The following CDCA2 variants were observed in gnomAD, a reference collection of about 807,000 sequenced individuals.
CDCA2 encodes cell division cycle associated 2.
CDCA2 carries 44 observed loss-of-function variants against 67.0 expected under a neutral mutation model. The ratio of observed to expected loss-of-function variants is 0.66; its 90% CI spans 0.52 to 0.84. The LOEUF (loss-of-function observed/expected upper bound fraction) is 0.84, where lower values mean the gene tolerates loss of function less well. CDCA2 is among the 40% of genes least tolerant of loss of function. The probability of loss-of-function intolerance (pLI) is 0.00; values close to 1 mark genes in which losing one functional copy is unlikely to be tolerated. For missense variants in CDCA2, 1,253 were observed against 1,203.2 expected (o/e 1.04, Z -0.61); for synonymous variants, 447 against 418.7 (o/e 1.07, Z -0.82).
At position 25,506,629 on chromosome 8, in the gene CDCA2, G is replaced by A; in HGVS notation, c.1963G>A (p.Asp655Asn). 6.2e-7 allele frequency: 1 copy of A among 1,613,432 alleles called. No individual in the cohort carries two copies. The highest frequency in any genetic ancestry group is 8.5e-7 in the Non-Finnish European group (1 of 1,179,876). The change falls in exon 15 of 15, where the codon GAT becomes AAT. Residue 655 changes from aspartate (D) to asparagine (N), a missense_variant. Transcript: ENST00000330560. ...LHMHQGYDKY[D>N]VSEFCSYIKS... ...TATGCATCAAGGCTATGATAAATAT[G>A]ATGTCTCTGAATTCTGCTCTTATAT...
chr8:25,468,489 C>T (rs1231952928), intron 6 of CDCA2, 76 bp downstream of exon 6: 15 of 1,182,276 alleles, frequency 1.3e-5, no homozygotes, highest in East Asian at 2.4e-5. Context: ...CTGTCAGTGC[C>T]GTTCTTCAAT....
chr8:25,472,914 A>G (rs937835600), intron 7 of CDCA2, among the ~76,000 whole-genome samples: 2 of 152,180 alleles, frequency 1.3e-5, no homozygotes, highest in Non-Finnish European at 2.9e-5. Flanking sequence ...ATACACTAAT[A>G]TTGACTATAG....
intron 4 of CDCA2, among the ~76,000 whole-genome samples, chr8:25,463,351 T>C (rs532512943): frequency 6.6e-6 from 1 of 152,314 alleles, no homozygotes; most frequent in Non-Finnish European, 1.5e-5. Context: ...GGTGGTCTCA[T>C]AATAATGGAG....
intron 7 of CDCA2, among the ~76,000 whole-genome samples, chr8:25,476,702 C>T (rs576192956): frequency 6.6e-6 from 1 of 151,998 alleles, no homozygotes; most frequent in Admixed American, 6.6e-5. Flanking sequence ...TACAGGTGCC[C>T]GCCACCACAC....
chr8:25,465,740 G>A (rs1235573492), intron 4 of CDCA2, among the ~76,000 whole-genome samples: 1 of 152,184 alleles, frequency 6.6e-6, no homozygotes, highest in Non-Finnish European at 1.5e-5. Flanking sequence ...TGGCCCCTGG[G>A]CTGGAGGGCA....
At chr8:25,490,717 A>T (rs1290120999) in intron 13 of CDCA2, among the ~76,000 whole-genome samples, 2 of 152,196 alleles carry the variant, frequency 1.3e-5, no homozygotes, top group African/African-American at 4.8e-5. Context: ...AGATGTTGTC[A>T]TCTAGATTAA....
rs1162390861 is a variant in CDCA2 at position 25,460,432 on chromosome 8, A to C, written c.110A>C (p.Lys37Thr). The C allele has an allele frequency of 6.2e-7, 1 of 1,614,078 alleles. No homozygotes were observed. The highest frequency in any genetic ancestry group is 8.5e-7 in the Non-Finnish European group (1 of 1,180,044). ...ACTGGGAAGATTGTGACTCCTCAGA[A>C]GCATGCCGAATTACCTCCTAATCCT... ...LGTGKIVTPQ[K>T]HAELPPNPCT... Residue 37 changes from lysine (K) to threonine (T), a missense_variant, in exon 3 of 15, where the codon AAG becomes ACG. By Grantham distance (78) the Lys-to-Thr change is moderately conservative. Transcript: ENST00000330560.
rs368357943 is a variant in CDCA2 at position 25,506,536 on chromosome 8, G to A, written c.1870G>A (p.Glu624Lys). 52 of 1,578,058 alleles carry A rather than the reference G, an allele frequency of 3.3e-5. No homozygotes were observed. Among genetic ancestry groups the A allele is most frequent in the Non-Finnish European group, 4.2e-5 (49 of 1,169,190 alleles). Residue 624 changes from glutamate (E) to lysine (K), a missense_variant, in exon 15 of 15, where the codon GAA becomes AAA. By Grantham distance (56) the Glu-to-Lys change is moderately conservative. Coordinates refer to ENST00000330560, the MANE Select transcript of CDCA2 (RefSeq NM_152562.4). ...TTATTTCAGTTCAAATGGCAAACTG[G>A]AAGAAGTGAAGACTCCTAAAAATCC... ...SGYFSSNGKL[E>K]EVKTPKNPVK... is the part of the protein sequence containing the mutation.
At position 25,466,312 on chromosome 8, in the gene CDCA2, G is replaced by A. The variant is rs754533345; in HGVS notation, c.525G>A (p.Glu175=). 2 of 1,602,388 alleles carry A rather than the reference G, an allele frequency of 1.2e-6. No homozygotes were observed. Among genetic ancestry groups the A allele is most frequent in the African/African-American group, 1.3e-5 (1 of 74,160 alleles). The stretch of plus-strand genomic sequence containing the variant: ...TCTCAGAGGCAGGAAAAGAGTCCGA[G>A]ATGACAGACTTGAGTGAGTAGAAAT... ...LEFSEAGKES[E]MTDLTRKEGL... is the part of the protein sequence containing the mutation. The change falls in exon 5 of 15, where the codon GAG becomes GAA. Residue 175 remains glutamate (E), a synonymous_variant. Transcript: ENST00000330560.
In CDCA2 at chr8:25,495,975, C is replaced by A. The variant is rs577066423; in HGVS notation, c.1671+7286C>A. ...TTCCATTTAAAAGAATTGTCCAGCT[C>A]TATCCATTGATAAAGCTTAAAATTC... is the stretch of plus-strand genomic sequence containing the variant. On this transcript the variant is annotated intron_variant, in intron 13 of 14. Transcript: ENST00000330560. 5.9e-5 allele frequency among the ~76,000 whole-genome samples: 9 copies of A among 152,324 alleles called. No homozygotes were observed. The East Asian group carries it at 1.7e-3, about 29-fold the overall frequency.
chr8:25,481,324 G>A (rs889963223), intron 8 of CDCA2, among the ~76,000 whole-genome samples: 4 of 151,498 alleles, frequency 2.6e-5, no homozygotes, highest in Admixed American at 6.6e-5. Context: ...ACATCTGAAC[G>A]ATCCATGGAA....
intron 7 of CDCA2, among the ~76,000 whole-genome samples, chr8:25,474,492 C>T (rs1803272849): frequency 6.6e-6 from 1 of 152,156 alleles, no homozygotes; most frequent in Non-Finnish European, 1.5e-5. Context: ...TCTATTGGTT[C>T]ATGATCCATT....
intron 6 of CDCA2, among the ~76,000 whole-genome samples, 181 bp from the exon 7 acceptor site, chr8:25,469,705 GATACACTTTA>G (rs1803074638): frequency 6.6e-6 from 1 of 151,140 alleles, no homozygotes; most frequent in African/African-American, 2.4e-5. Flanking sequence ...TACACTTTGA[GATACACTTTA>G]TGAGATAAAG....
At chr8:25,475,705 T>C (rs1803322275) in intron 7 of CDCA2, among the ~76,000 whole-genome samples, 1 of 152,146 alleles carries the variant, frequency 6.6e-6, no homozygotes, top group Non-Finnish European at 1.5e-5. Context: ...GATTTTAACC[T>C]GGAAGACCCA....
chr8:25,459,378 G>A lies in CDCA2; in HGVS notation c.-96G>A, dbSNP rs920824001. 5 of 152,240 alleles carry A rather than the reference G, an allele frequency of 3.3e-5. No homozygotes were observed. The highest frequency in any genetic ancestry group is 1.2e-4 in the African/African-American group (5 of 41,444). 9.4% of individuals were successfully genotyped at this position (152,240 alleles called of 1,614,324 possible). ...GAGAGCCCTTCCGGACAGAGGAGCC[G>A]GGGTCTGGAAGGAGCGGCCGACGCG... On this transcript the variant is annotated 5_prime_UTR_variant, in exon 1 of 15. Transcript: ENST00000330560.
chr8:25,486,629 C>T (rs1803786890), intron 11 of CDCA2, among the ~76,000 whole-genome samples: 1 of 143,514 alleles, frequency 7.0e-6, no homozygotes, highest in African/African-American at 2.6e-5. Context: ...TTGGTGAAAC[C>T]TGGTCTCTAC....
intron 13 of CDCA2, among the ~76,000 whole-genome samples, chr8:25,494,504 C>G (rs1202530317): frequency 2.6e-5 from 4 of 152,152 alleles, no homozygotes; most frequent in East Asian, 1.9e-4. Context: ...TACATATGCT[C>G]TATGCAAATA....
intron 7 of CDCA2, among the ~76,000 whole-genome samples, chr8:25,479,229 C>T (rs1457913812): frequency 6.6e-6 from 1 of 151,886 alleles, no homozygotes; most frequent in Non-Finnish European, 1.5e-5. Context: ...CCTTCATAGC[C>T]ATCACTCTTT....
intron 13 of CDCA2, 122 bp from the exon 14 acceptor site, chr8:25,503,251 C>A: frequency 1.4e-6 from 1 of 739,316 alleles, no homozygotes; most frequent in Non-Finnish European, 2.2e-6. Context: ...CCACTGCACT[C>A]CAGCCTGGAT....
Sources: allele counts gnomAD v4.1 joint callset (sites outside exome capture counted in the v4.1 genomes callset), GRCh38; gene constraint gnomAD v4.1.1; transcripts MANE v1.5; gene names NCBI Gene and HGNC (gene_info 2026-07-23, HGNC 2026-07-21).